Variants in DNMT3B observed in about 807,000 individuals in gnomAD.
The protein encoded by DNMT3B is DNA methyltransferase 3 beta.
A neutral mutation model predicts 120.2 loss-of-function variants in DNMT3B; 37 were observed. The ratio of observed to expected loss-of-function variants is 0.31; its 90% CI spans 0.24 to 0.40. The LOEUF (loss-of-function observed/expected upper bound fraction) is 0.40, where lower values mean the gene tolerates loss of function less well. DNMT3B is among the 10% of genes least tolerant of loss of function. The pLI, the probability that DNMT3B is intolerant of heterozygous loss-of-function variation, is 1.00. For missense variants in DNMT3B, 878 were observed against 1,137.3 expected (o/e 0.77, Z 3.28); for synonymous variants, 412 against 442.8 (o/e 0.93, Z 0.87).
intron 1 of DNMT3B, among the ~76,000 whole-genome samples, chr20:32,765,038 T>TA (rs1180436015): frequency 6.6e-6 from 1 of 152,230 alleles, no homozygotes; most frequent in Non-Finnish European, 1.5e-5. Flanking sequence ...GACCAGCTCT[T>TA]ATGCCGGCTG....
At chr20:32,804,128 T>C (rs573799938) in intron 20 of DNMT3B, among the ~76,000 whole-genome samples, 1 of 152,278 alleles carries the variant, frequency 6.6e-6, no homozygotes, top group South Asian at 2.1e-4. Context: ...GTAGGACATT[T>C]GCTGATGCAT....
chr20:32,770,547 G>A (rs1204087781), intron 1 of DNMT3B, among the ~76,000 whole-genome samples: 1 of 151,490 alleles, frequency 6.6e-6, no homozygotes, highest in Non-Finnish European at 1.5e-5. Flanking sequence ...CCTCAGGTGA[G>A]CCGCCCACCT....
chr20:32,774,351 A>G (rs1987938713), intron 1 of DNMT3B, among the ~76,000 whole-genome samples: 2 of 151,856 alleles, frequency 1.3e-5, no homozygotes, highest in South Asian at 4.2e-4. Flanking sequence ...CTGGGACTAC[A>G]GGTGCTCACC....
chr20:32,773,050 C>T (rs2145868783), intron 1 of DNMT3B, among the ~76,000 whole-genome samples: 1 of 151,924 alleles, frequency 6.6e-6, no homozygotes, highest in Middle Eastern at 3.4e-3. Flanking sequence ...AACTCCCGAC[C>T]TCATGTAATC....
At chr20:32,786,708 G>T in intron 5 of DNMT3B, 81 bp downstream of exon 5, 1 of 1,601,822 alleles carries the variant, frequency 6.2e-7, no homozygotes, top group Non-Finnish European at 8.5e-7. Context: ...ACTGGTTGTG[G>T]CTGGTAGATA....
At chr20:32,765,173 G>A (rs1723525196) in intron 1 of DNMT3B, among the ~76,000 whole-genome samples, 2 of 152,262 alleles carry the variant, frequency 1.3e-5, no homozygotes, top group South Asian at 4.1e-4. Context: ...CTAATTGAGT[G>A]GAGTTTTTTC....
Position 32,798,729 on chromosome 20 carries a change from A to G in DNMT3B, c.1674+86A>G. ...CTCTGGAATTCTCAGAAAGAGTAAT[A>G]GAAGTAAAGACACGTTGTACCTCTT... On this transcript the variant is annotated intron_variant, in intron 15 of 22. Transcript: ENST00000328111. The G allele has an allele frequency of 3.8e-6, 6 of 1,582,272 alleles. No individual in the cohort carries two copies. The South Asian group carries it at 6.7e-5, about 18-fold the overall frequency.
chr20:32,772,555 C>T (rs969120996), intron 1 of DNMT3B, among the ~76,000 whole-genome samples: 3 of 152,160 alleles, frequency 2.0e-5, no homozygotes, highest in Non-Finnish European at 4.4e-5. Flanking sequence ...TAGGATTCTG[C>T]TCCAATGCTG....
chr20:32,763,048 CGAG>C (rs1223691085), intron 1 of DNMT3B, among the ~76,000 whole-genome samples: 3 of 152,016 alleles, frequency 2.0e-5, no homozygotes, highest in African/African-American at 7.2e-5. Context: ...GGTCCAGACT[CGAG>C]GAGGAGGAGG....
At chr20:32,794,092 C>T (rs1980313377) in intron 10 of DNMT3B, among the ~76,000 whole-genome samples, 1 of 151,992 alleles carries the variant, frequency 6.6e-6, no homozygotes, top group African/African-American at 2.4e-5. Flanking sequence ...TGCAAATAAC[C>T]ATCTCTTGGA....
intron 12 of DNMT3B, among the ~76,000 whole-genome samples, 190 bp downstream of exon 12, chr20:32,795,884 A>C (rs2424919): frequency 6.8e-4 from 104 of 152,284 alleles, no homozygotes; most frequent in African/African-American, 2.3e-3. Flanking sequence ...TGTGCCCCTT[A>C]AGAGAAAGGT....
rs1399115983 is a variant in DNMT3B at position 32,789,098 on chromosome 20, T to G, written c.813+86T>G. The G allele has an allele frequency of 2.5e-6, 4 of 1,578,492 alleles. No individual in the cohort carries two copies. The African/African-American group carries it at 5.4e-5, about 21-fold the overall frequency. ...TTGAAGACAAAGGCCTGGGATTGTA[T>G]TCTGCAGATGTGTGAGCCTATGCCT... is the stretch of plus-strand genomic sequence containing the variant. On this transcript the variant is annotated intron_variant, in intron 7 of 22. Coordinates refer to ENST00000328111, the MANE Select transcript of DNMT3B (RefSeq NM_006892.4).
intron 8 of DNMT3B, among the ~76,000 whole-genome samples, 188 bp downstream of exon 8, chr20:32,791,896 C>T (rs1013402044): frequency 6.6e-6 from 1 of 152,152 alleles, no homozygotes; most frequent in Non-Finnish European, 1.5e-5. Flanking sequence ...TGAGACATCC[C>T]AGCTGCCACT....
At chr20:32,786,735 C>A in intron 5 of DNMT3B, 108 bp downstream of exon 5, 1 of 1,561,180 alleles carries the variant, frequency 6.4e-7, no homozygotes, top group Non-Finnish European at 8.7e-7. Context: ...GTCCTTTTTT[C>A]ACACTGCTTT....
intron 1 of DNMT3B, among the ~76,000 whole-genome samples, chr20:32,779,042 C>T (rs939310870): frequency 1.3e-5 from 2 of 152,230 alleles, no homozygotes; most frequent in South Asian, 2.1e-4. Context: ...TATGTCTCCA[C>T]GATGGAGCCC....
chr20:32,802,564 T>C, intron 20 of DNMT3B, 94 bp downstream of exon 20: 1 of 1,280,130 alleles, frequency 7.8e-7, no homozygotes, highest in Non-Finnish European at 1.1e-6. Flanking sequence ...GACCTGGCTC[T>C]GCTGAGAAAT....
chr20:32,769,790 C>T (rs1987608842), intron 1 of DNMT3B, among the ~76,000 whole-genome samples: 1 of 152,040 alleles, frequency 6.6e-6, no homozygotes, highest in Non-Finnish European at 1.5e-5. Flanking sequence ...CTCTGTTGCC[C>T]AGGCTGGAGT....
intron 1 of DNMT3B, among the ~76,000 whole-genome samples, chr20:32,765,667 C>T (rs1465765444): frequency 2.0e-5 from 3 of 151,042 alleles, no homozygotes; most frequent in Non-Finnish European, 4.4e-5. Flanking sequence ...GTGATTCACC[C>T]GCCTCGGCTT....
intron 14 of DNMT3B, among the ~76,000 whole-genome samples, chr20:32,797,531 G>T (rs1980788384): frequency 2.0e-5 from 3 of 152,208 alleles, no homozygotes; most frequent in African/African-American, 7.2e-5. Context: ...GGGTCTCCCT[G>T]TGTTGCCCAG....
Sources: gnomAD v4.1 joint callset for allele counts (sites outside exome capture counted in the v4.1 genomes callset) on GRCh38, gnomAD v4.1.1 for gene constraint, MANE v1.5 for transcripts, NCBI Gene and HGNC (gene_info 2026-07-23, HGNC 2026-07-21) for gene names.